Variants in CLPB observed in about 807,000 individuals in gnomAD.
The protein encoded by CLPB is mitochondrial disaggregase.
In CLPB, 40 loss-of-function variants were observed where a neutral mutation model predicts 78.4. The observed-to-expected ratio is 0.51, with a 90% CI of 0.40 to 0.66. CLPB has a LOEUF of 0.66. Ranked by LOEUF, CLPB falls within the 30% of genes least tolerant of loss-of-function variation. The probability of loss-of-function intolerance (pLI) is 0.00; values close to 1 mark genes in which losing one functional copy is unlikely to be tolerated. For missense variants in CLPB, 780 were observed against 886.9 expected, an observed-to-expected ratio of 0.88 and a Z score of 1.53; for synonymous variants, 333 against 348.0, an observed-to-expected ratio of 0.96 and a Z score of 0.48.
intron 10 of CLPB, 116 bp downstream of exon 10, chr11:72,302,188 C>T (rs1949668362): frequency 8.6e-7 from 1 of 1,168,490 alleles, no homozygotes; most frequent in Non-Finnish European, 1.3e-6. Flanking sequence ...CACCTGTGCT[C>T]CCAACGACAA....
intron 5 of CLPB, chr11:72,355,446 T>C (rs1950694803): frequency 6.6e-6 from 1 of 152,236 alleles, no homozygotes; most frequent in South Asian, 2.1e-4. Flanking sequence ...GATTTCTTTA[T>C]ACATGTCACA....
chr11:72,359,725 C>G (rs1285410406), intron 4 of CLPB, among the ~76,000 whole-genome samples: 2 of 152,098 alleles, frequency 1.3e-5, no homozygotes, highest in African/African-American at 2.4e-5. Context: ...GTGTGTGTAT[C>G]CCCTATAAAA....
intron 5 of CLPB, among the ~76,000 whole-genome samples, chr11:72,335,248 C>A (rs1950298882): frequency 6.6e-6 from 1 of 152,142 alleles, no homozygotes; most frequent in African/African-American, 2.4e-5. Context: ...GAAGGCCTGG[C>A]TCACTGGTGC....
At chr11:72,430,725 G>A (rs1300717339) in intron 1 of CLPB, among the ~76,000 whole-genome samples, 2 of 152,134 alleles carry the variant, frequency 1.3e-5, no homozygotes, top group Non-Finnish European at 2.9e-5. Context: ...AAGATTCCCT[G>A]ATCTTGTCCA....
chr11:72,409,835 G>A (rs1356943007), intron 2 of CLPB, among the ~76,000 whole-genome samples: 2 of 151,988 alleles, frequency 1.3e-5, no homozygotes, highest in Non-Finnish European at 2.9e-5. Flanking sequence ...AAATTAGCTG[G>A]GCGTGGTGGC....
At chr11:72,417,540 T>G (rs111780843) in intron 2 of CLPB, among the ~76,000 whole-genome samples, 2,312 of 152,258 alleles carry the variant, frequency 0.015, 28 homozygotes, top group Non-Finnish European at 0.024. Flanking sequence ...GGTTGCACAA[T>G]CTTATAAATG....
In CLPB at chr11:72,422,236, A is replaced by G. The variant is rs1331023372; in HGVS notation, c.455+8076T>C. Among the ~76,000 whole-genome samples the G allele has an allele frequency of 3.6e-5, 5 of 140,664 alleles. No homozygotes were observed. The South Asian group carries it at 6.9e-4, about 19-fold the overall frequency. 92.3% of individuals were successfully genotyped at this position (140,664 alleles called of 152,430 possible). On this transcript the variant is annotated intron_variant, in intron 2 of 15. Transcript: ENST00000538039. The stretch of plus-strand genomic sequence containing the variant: ...AGTCGAGATTGTGCCACTGCACTCC[A>G]GCCTGGGTGACAGAGCAAGACTCCG...
Position 72,294,196 on chromosome 11 carries a change from G to A in CLPB, c.1681-70C>T, listed in dbSNP as rs527506780. ...TTTCCATCTCTTGCCACTCTGGCCTGAGGCCAGGGCCACTGGCCCCACACC... is the reference window on the plus strand; with the variant it reads ...TTTCCATCTCTTGCCACTCTGGCCTAAGGCCAGGGCCACTGGCCCCACACC... On this transcript the variant is annotated intron_variant, in intron 14 of 15. Transcript: ENST00000538039. The A allele has an allele frequency of 2.5e-6, 4 of 1,604,404 alleles. No homozygotes were observed. The Admixed American group carries it at 6.7e-5, about 27-fold the overall frequency.
chr11:72,354,971 A>G (rs1316596749), intron 5 of CLPB, among the ~76,000 whole-genome samples: 1 of 151,990 alleles, frequency 6.6e-6, no homozygotes, highest in African/African-American at 2.4e-5. Flanking sequence ...TTCCACATCT[A>G]TCTCCTCTGA....
chr11:72,340,386 G>A lies in CLPB; in HGVS notation c.776-10582C>T, dbSNP rs192303409. Among the ~76,000 whole-genome samples, 309 of 152,324 alleles carry A rather than the reference G, an allele frequency of 2.0e-3. 1 individual carries two copies. Among genetic ancestry groups the A allele is most frequent in the Admixed American group, 6.5e-3 (99 of 15,298 alleles). ...CTTTTGCAAAATTTACAGTGGAACA[G>A]GAGGGATCGATACGGAATTTATCAC... On this transcript the variant is annotated intron_variant, in intron 5 of 15. Coordinates refer to ENST00000538039, the MANE Select transcript of CLPB (RefSeq NM_001258392.3).
chr11:72,338,507 T>G (rs1394934259), intron 5 of CLPB, among the ~76,000 whole-genome samples: 1 of 152,202 alleles, frequency 6.6e-6, no homozygotes, highest in Admixed American at 6.5e-5. Context: ...TAGCACCCAC[T>G]GGAAGGACTG....
intron 7 of CLPB, among the ~76,000 whole-genome samples, chr11:72,313,306 T>C (rs1297735957): frequency 1.3e-5 from 2 of 152,186 alleles, no homozygotes; most frequent in Non-Finnish European, 2.9e-5. Flanking sequence ...ACTGAGTGGA[T>C]ACTGATGCCT....
rs143016219 is a variant in CLPB, at chr11:72,308,907, G to T, written c.989-303C>A. Among the ~76,000 whole-genome samples the T allele has an allele frequency of 2.4e-4, 37 of 152,258 alleles. 1 individual carries two copies. In the East Asian group the frequency reaches 7.1e-3, roughly 29 times the overall value. ...GTGGATGGTGAATGGAGGTGAAGGG[G>T]GTGGGGGACTGGTGAAGGAGAATTC... On this transcript the variant is annotated intron_variant, in intron 7 of 15. Coordinates refer to ENST00000538039, the MANE Select transcript of CLPB (RefSeq NM_001258392.3).
chr11:72,340,841 A>T (rs1176566306), intron 5 of CLPB, among the ~76,000 whole-genome samples: 1 of 152,150 alleles, frequency 6.6e-6, no homozygotes, highest in Non-Finnish European at 1.5e-5. Context: ...AGAGTCCCTA[A>T]CTTGCAGAGT....
rs775105363 is a variant in CLPB, at chr11:72,434,275, C to T, written c.200G>A (p.Gly67Glu). 6.2e-7 allele frequency: 1 copy of T among 1,613,052 alleles called. No individual in the cohort carries two copies. Among genetic ancestry groups the T allele is most frequent in the East Asian group, 2.2e-5 (1 of 44,856 alleles). Residue 67 changes from glycine (G) to glutamate (E), a missense_variant, in exon 1 of 16, where the codon GGG becomes GAG. This residue lies in a region of CLPB where 417 missense variants were observed against 414.7 expected (regional missense o/e 1.01). Transcript: ENST00000538039. Reference sequence around the variant, plus strand: ...TCCCTGGCGCCCCCCGGTGGCTGCCCCACGTCCGGAGAACAAGGCCGGCGA... The same window carrying T: ...TCCCTGGCGCCCCCCGGTGGCTGCCTCACGTCCGGAGAACAAGGCCGGCGA... Reference protein sequence around the residue: ...GTSPALFSGRGAATGGRQGGR... With the variant: ...GTSPALFSGREAATGGRQGGR...
intron 3 of CLPB, among the ~76,000 whole-genome samples, chr11:72,383,309 G>A (rs1238666556): frequency 1.3e-5 from 2 of 151,934 alleles, no homozygotes; most frequent in African/African-American, 4.8e-5. Flanking sequence ...CGGATCATGA[G>A]GTCAGGAGAT....
At chr11:72,372,474 T>C (rs925958782) in intron 4 of CLPB, among the ~76,000 whole-genome samples, 1 of 152,190 alleles carries the variant, frequency 6.6e-6, no homozygotes, top group Non-Finnish European at 1.5e-5. Context: ...ACACATAGCC[T>C]CTCTAGGAGT....
At chr11:72,359,199 A>T (rs181446184) in intron 4 of CLPB, 191 bp from the exon 5 acceptor site, 1 of 740,156 alleles carries the variant, frequency 1.4e-6, no homozygotes, top group Non-Finnish European at 2.4e-6. Context: ...TAGTTCCACA[A>T]TGTTTACTGA....
intron 11 of CLPB, among the ~76,000 whole-genome samples, chr11:72,296,813 T>C (rs1949559578): frequency 6.6e-6 from 1 of 152,162 alleles, no homozygotes; most frequent in African/African-American, 2.4e-5. Flanking sequence ...TGCTGGAGGC[T>C]GGAATCTTCA....
Sources: gnomAD v4.1 joint callset for allele counts (sites outside exome capture counted in the v4.1 genomes callset) on GRCh38, gnomAD v4.1.1 for gene constraint, gnomAD v4.1.1 regional missense constraint, MANE v1.5 for transcripts, NCBI Gene and HGNC (gene_info 2026-07-23, HGNC 2026-07-21) for gene names.